CSMD1: variants seen among roughly 807,000 people sequenced by gnomAD.
The protein encoded by CSMD1 is CUB and sushi domain-containing protein 1.
Under a neutral mutation model 417.5 loss-of-function variants are expected in CSMD1, and 213 were observed. The observed-to-expected ratio is 0.51, with a 90% CI of 0.46 to 0.57. CSMD1 has a LOEUF of 0.57. CSMD1 is among the 20% of genes least tolerant of loss of function. The pLI, the probability that CSMD1 is intolerant of heterozygous loss-of-function variation, is 0.00. For missense variants in CSMD1, 6,923 were observed against 4,529.7 expected, an observed-to-expected ratio of 1.53 and a Z score of -15.17; for synonymous variants, 2,862 against 1,736.8, an observed-to-expected ratio of 1.65 and a Z score of -16.11.
At chr8:4,902,387 T>A (rs1804941242) in intron 1 of CSMD1, among the ~76,000 whole-genome samples, 1 of 149,824 alleles carries the variant, frequency 6.7e-6, no homozygotes, top group Non-Finnish European at 1.5e-5. Flanking sequence ...CAGTGACCCA[T>A]GATTGTGCCA....
intron 3 of CSMD1, among the ~76,000 whole-genome samples, chr8:4,279,960 G>A (rs756337751): frequency 6.6e-6 from 1 of 152,150 alleles, no homozygotes; most frequent in Non-Finnish European, 1.5e-5. Context: ...ATAGGGGCAA[G>A]AACATCAAAG....
At chr8:3,785,112 G>T (rs1029208356) in intron 5 of CSMD1, among the ~76,000 whole-genome samples, 2 of 152,130 alleles carry the variant, frequency 1.3e-5, no homozygotes, top group Non-Finnish European at 2.9e-5. Context: ...TTGAATCCTG[G>T]TCCTACCTCT....
chr8:4,385,132 G>C (rs921702885), intron 3 of CSMD1, among the ~76,000 whole-genome samples: 1 of 147,990 alleles, frequency 6.8e-6, no homozygotes, highest in East Asian at 2.0e-4. Context: ...TCACCATGTT[G>C]GCCAGGCTGG....
At chr8:3,502,172 G>A (rs1178793416) in intron 10 of CSMD1, among the ~76,000 whole-genome samples, 6 of 145,572 alleles carry the variant, frequency 4.1e-5, no homozygotes, top group Admixed American at 3.7e-4. Flanking sequence ...AGACCATACT[G>A]GCTAACGTGG....
intron 6 of CSMD1, among the ~76,000 whole-genome samples, chr8:3,717,061 A>G (rs1801880982): frequency 6.6e-6 from 1 of 152,186 alleles, no homozygotes; most frequent in Non-Finnish European, 1.5e-5. Flanking sequence ...GCTGTGGTGA[A>G]GTCTGATACT....
chr8:4,413,168 G>C (rs992864179), intron 3 of CSMD1, among the ~76,000 whole-genome samples: 8 of 152,168 alleles, frequency 5.3e-5, no homozygotes, highest in Non-Finnish European at 8.8e-5. Context: ...AATAATCAGA[G>C]TTAACACCTT....
chr8:3,558,286 C>G lies in CSMD1; in HGVS notation c.1344+16659G>C, dbSNP rs116949288. Among the ~76,000 whole-genome samples the G allele has an allele frequency of 6.4e-4, 94 of 146,236 alleles. 1 individual carries two copies. The highest frequency in any genetic ancestry group is 2.3e-3 in the African/African-American group (93 of 40,180). ...TCCACTCCTCCAGTGATGAATGGTG[C>G]CTCAATGGAACTCCGTGTTCACTCC... On this transcript the variant is annotated intron_variant, in intron 10 of 69. Coordinates refer to ENST00000635120, the MANE Select transcript of CSMD1 (RefSeq NM_033225.6).
intron 3 of CSMD1, among the ~76,000 whole-genome samples, chr8:4,256,369 TTGCTC>T (rs1803454604): frequency 6.6e-6 from 1 of 152,168 alleles, no homozygotes; most frequent in Non-Finnish European, 1.5e-5. Flanking sequence ...AATGAATACA[TTGCTC>T]TGATTACTAC....
intron 51 of CSMD1, among the ~76,000 whole-genome samples, chr8:3,020,057 G>C (rs1480859938): frequency 1.3e-5 from 2 of 152,206 alleles, no homozygotes; most frequent in Non-Finnish European, 1.5e-5. Context: ...AAAGCACAGT[G>C]AGGAAGAACA....
intron 57 of CSMD1, among the ~76,000 whole-genome samples, chr8:2,969,750 A>C (rs11994646): frequency 0.038 from 5,765 of 152,268 alleles, 365 homozygotes; most frequent in African/African-American, 0.13. Context: ...TATGATAACA[A>C]ACAAGGAACA....
At position 3,099,722 on chromosome 8, in the gene CSMD1, C is replaced by A. The variant is rs142066803; in HGVS notation, c.6950-2685G>T. On this transcript the variant is annotated intron_variant, in intron 46 of 69. Transcript: ENST00000635120. ...TTTGACAGCAGTGCAATGATCTAAC[C>A]CAGAAGCAGCATTTTAAGCATAGCC... is the stretch of plus-strand genomic sequence containing the variant. Among the ~76,000 whole-genome samples the A allele has an allele frequency of 1.6e-4, 25 of 152,204 alleles. No homozygotes were observed. The East Asian group carries it at 4.8e-3, about 29-fold the overall frequency.
At position 3,162,348 on chromosome 8, in the gene CSMD1, G is replaced by C. The variant is rs1349569969; in HGVS notation, c.5726-71C>G. 5 of 990,858 alleles carry C rather than the reference G, an allele frequency of 5.0e-6. No individual in the cohort carries two copies. In the African/African-American group the frequency reaches 6.4e-5, roughly 13 times the overall value. 61.4% of individuals were successfully genotyped at this position (990,858 alleles called of 1,614,324 possible). A position where few individuals can be genotyped will look rare whatever the true frequency, so the allele number is the denominator to read the frequency against. On this transcript the variant is annotated intron_variant, in intron 37 of 69. Coordinates refer to ENST00000635120, the MANE Select transcript of CSMD1 (RefSeq NM_033225.6). ...TATTCTTATCATTTGAATAACCAAA[G>C]TTTATTTCTATTGCTCTCCTTCTGT... is the stretch of plus-strand genomic sequence containing the variant.
At chr8:4,419,823 A>T in intron 3 of CSMD1, 130 bp downstream of exon 3, 1 of 603,502 alleles carries the variant, frequency 1.7e-6, no homozygotes, top group Non-Finnish European at 3.0e-6. Context: ...TGCATTACAC[A>T]GAAGCCAAAT....
chr8:3,080,497 G>A (rs1024582708), intron 49 of CSMD1, among the ~76,000 whole-genome samples: 4 of 152,126 alleles, frequency 2.6e-5, no homozygotes, highest in African/African-American at 4.8e-5. Flanking sequence ...ACATTTTGCC[G>A]GCTCCATCTT....
At chr8:3,829,903 T>A (rs78913906) in intron 5 of CSMD1, among the ~76,000 whole-genome samples, 2 of 152,276 alleles carry the variant, frequency 1.3e-5, no homozygotes, top group African/African-American at 4.8e-5. Flanking sequence ...CATAGATCTA[T>A]TGGGAAAATG....
intron 4 of CSMD1, among the ~76,000 whole-genome samples, chr8:4,029,117 T>C (rs567061256): frequency 1.3e-5 from 2 of 152,246 alleles, no homozygotes; most frequent in South Asian, 2.1e-4. Flanking sequence ...GTGTTTGTAA[T>C]TTTTAATAAA....
intron 26 of CSMD1, 75 bp from the exon 27 acceptor site, chr8:3,230,306 T>G: frequency 1.6e-6 from 2 of 1,271,072 alleles, no homozygotes; most frequent in South Asian, 1.6e-5. Context: ...TGGTTGTTCT[T>G]GTGGGTTGAA....
chr8:4,254,952 G>A (rs1408909162), intron 3 of CSMD1, among the ~76,000 whole-genome samples: 2 of 152,094 alleles, frequency 1.3e-5, no homozygotes, highest in African/African-American at 4.8e-5. Flanking sequence ...TGACTGGAGT[G>A]GACTCCATAA....
intron 8 of CSMD1, among the ~76,000 whole-genome samples, chr8:3,596,693 C>G (rs945464259): frequency 6.6e-6 from 1 of 152,054 alleles, no homozygotes; most frequent in African/African-American, 2.4e-5. Flanking sequence ...ACCACAGTAT[C>G]CAGGCTTAAG....
Sources: gnomAD v4.1 joint callset for allele counts (sites outside exome capture counted in the v4.1 genomes callset) on GRCh38, gnomAD v4.1.1 for gene constraint, MANE v1.5 for transcripts, NCBI Gene and HGNC (gene_info 2026-07-23, HGNC 2026-07-21) for gene names.